BCL11B: variants seen among roughly 807,000 people sequenced by gnomAD.
The protein encoded by BCL11B is BCL11 transcription factor B.
A neutral mutation model predicts 49.9 loss-of-function variants in BCL11B; 8 were observed. That is an observed-to-expected ratio of 0.16 (90% confidence interval 0.09 to 0.29). The LOEUF is 0.29. Ranked by LOEUF, BCL11B falls within the 10% of genes least tolerant of loss-of-function variation. The pLI, the probability that BCL11B is intolerant of heterozygous loss-of-function variation, is 1.00. For missense variants in BCL11B, 1,006 were observed against 1,351.0 expected, an observed-to-expected ratio of 0.74 and a Z score of 4.00; for synonymous variants, 739 against 637.4, an observed-to-expected ratio of 1.16 and a Z score of -2.40.
intron 3 of BCL11B, among the ~76,000 whole-genome samples, chr14:99,211,848 T>C (rs1323925237): frequency 6.6e-6 from 1 of 152,172 alleles, no homozygotes; most frequent in African/African-American, 2.4e-5. Flanking sequence ...GTAAGCAAAG[T>C]CTGCTTTTCC....
intron 3 of BCL11B, among the ~76,000 whole-genome samples, chr14:99,229,711 G>T (rs1282221914): frequency 6.6e-6 from 1 of 152,204 alleles, no homozygotes; most frequent in African/African-American, 2.4e-5. Flanking sequence ...GGTGAGATCA[G>T]ATTTCTGTGC....
chr14:99,229,968 C>T (rs1304019393), intron 3 of BCL11B, among the ~76,000 whole-genome samples: 2 of 152,212 alleles, frequency 1.3e-5, no homozygotes, highest in Non-Finnish European at 2.9e-5. Context: ...AGGGAGCCGG[C>T]GTCTTTGCAA....
Position 99,248,242 on chromosome 14 carries a change from A to G in BCL11B, c.427+9229T>C, listed in dbSNP as rs901754533. On this transcript the variant is annotated intron_variant, in intron 2 of 3. Coordinates refer to ENST00000357195, the MANE Select transcript of BCL11B (RefSeq NM_138576.4). This position sits in a 1 kb window ranked among gnomAD's most constrained non-coding sequence, Gnocchi z 4.7. ...CCCCAGGGCCCTCCAGACCAAAACC[A>G]GCGGACCAGCAAGAAGGCGTCAAGA... Among the ~76,000 whole-genome samples, 4 of 152,018 alleles carry G rather than the reference A, an allele frequency of 2.6e-5. No homozygotes were observed. The highest frequency in any genetic ancestry group is 9.7e-5 in the African/African-American group (4 of 41,392).
intron 3 of BCL11B, among the ~76,000 whole-genome samples, chr14:99,212,267 C>G (rs1887709096): frequency 6.6e-6 from 1 of 152,166 alleles, no homozygotes; most frequent in Non-Finnish European, 1.5e-5. Context: ...AGAGAGGTGG[C>G]CTTCCAGGTT....
chr14:99,173,915 C>A lies in BCL11B; in HGVS notation c.*236G>T. On this transcript the variant is annotated 3_prime_UTR_variant, in exon 4 of 4. Coordinates refer to ENST00000357195, the MANE Select transcript of BCL11B (RefSeq NM_138576.4). ...CACATGCCAAAAAAATTACAAAACC[C>A]AATAAATACAGAAATTATTGCACAG... 5.6e-6 allele frequency: 3 copies of A among 538,104 alleles called. No individual in the cohort carries two copies. The highest frequency in any genetic ancestry group is 6.5e-6 in the Non-Finnish European group (2 of 306,052). 33.3% of individuals were successfully genotyped at this position (538,104 alleles called of 1,614,324 possible).
rs139779656 is a variant in BCL11B, at chr14:99,174,718, G to A, written c.2118C>T (p.Asn706=). The A allele has an allele frequency of 6.0e-5, 93 of 1,558,602 alleles. No homozygotes were observed. The highest frequency in any genetic ancestry group is 4.1e-4 in the East Asian group (16 of 39,438). The change falls in exon 4 of 4, where the codon AAC becomes AAT. Residue 706 remains asparagine (N), a synonymous_variant. Coordinates refer to ENST00000357195, the MANE Select transcript of BCL11B (RefSeq NM_138576.4). Reference sequence around the variant, plus strand: ...AGCCCACCAGCCACTGCGAGTACACGTTCTCGGACGGGATGAGCGCGGCGG... The same window carrying A: ...AGCCCACCAGCCACTGCGAGTACACATTCTCGGACGGGATGAGCGCGGCGG... The part of the protein sequence containing the change: ...LPPAALIPSE[N]VYSQWLVGYA...
Position 99,271,298 on chromosome 14 carries a change from G to GCCGCTGC in BCL11B, c.-81_-80insGCAGCGG. ...GGGGGAGGGGGTCCGAGCCGCCGCC[G>GCCGCTGC]CGCCGCTGCCGCCGCTGCCGCCGCC... On this transcript the variant is annotated 5_prime_UTR_variant, in exon 1 of 4. Coordinates refer to ENST00000357195, the MANE Select transcript of BCL11B (RefSeq NM_138576.4). The GCCGCTGC allele has an allele frequency of 2.3e-6, 2 of 885,080 alleles. No individual in the cohort carries two copies. Among genetic ancestry groups the GCCGCTGC allele is most frequent in the Non-Finnish European group, 3.0e-6 (2 of 675,882 alleles). 54.8% of individuals were successfully genotyped at this position (885,080 alleles called of 1,614,324 possible). A position where few individuals can be genotyped will look rare whatever the true frequency, so the allele number is the denominator to read the frequency against.
At chr14:99,215,013 A>G (rs1170490845) in intron 3 of BCL11B, among the ~76,000 whole-genome samples, 2 of 152,170 alleles carry the variant, frequency 1.3e-5, no homozygotes, top group Non-Finnish European at 2.9e-5. Context: ...GGACAGCTAC[A>G]GCGGAATGTC....
At chr14:99,225,822 C>T (rs1216942119) in intron 3 of BCL11B, among the ~76,000 whole-genome samples, 3 of 152,072 alleles carry the variant, frequency 2.0e-5, no homozygotes, top group Admixed American at 6.5e-5. Context: ...GAGGCTGCAG[C>T]GATCTCCACT....
intron 3 of BCL11B, among the ~76,000 whole-genome samples, chr14:99,199,859 C>T (rs1887323038): frequency 6.6e-6 from 1 of 151,658 alleles, no homozygotes; most frequent in Admixed American, 6.6e-5. Context: ...AAAGAACTTC[C>T]TCATTATTTA....
intron 3 of BCL11B, among the ~76,000 whole-genome samples, chr14:99,179,255 C>T (rs558124635): frequency 6.6e-6 from 1 of 152,252 alleles, no homozygotes; most frequent in African/African-American, 2.4e-5. Context: ...GGGCGGATCA[C>T]TTGAGGTCAG....
At position 99,231,687 on chromosome 14, in the gene BCL11B, G is replaced by T; in HGVS notation, c.428-130C>A. Reference sequence around the variant, plus strand: ...TTCGGGGGTGGGAGGCCCCCGGGGTGCCAGGCCCTGCAGGGAAGGCAATCG... The same window carrying T: ...TTCGGGGGTGGGAGGCCCCCGGGGTTCCAGGCCCTGCAGGGAAGGCAATCG... On this transcript the variant is annotated intron_variant, in intron 2 of 3. Transcript: ENST00000357195. This position sits in a 1 kb window ranked among gnomAD's most constrained non-coding sequence, Gnocchi z 8.1. The T allele has an allele frequency of 1.1e-6, 1 of 942,828 alleles. No individual in the cohort carries two copies. The highest frequency in any genetic ancestry group is 1.6e-6 in the Non-Finnish European group (1 of 631,288). The allele number at this position is 942,828 out of a possible 1,614,324, so 58.4% of individuals were successfully genotyped here. A position where few individuals can be genotyped will look rare whatever the true frequency, so the allele number is the denominator to read the frequency against.
At chr14:99,268,779 C>A (rs971813062) in intron 1 of BCL11B, among the ~76,000 whole-genome samples, 2 of 152,198 alleles carry the variant, frequency 1.3e-5, no homozygotes, top group Non-Finnish European at 2.9e-5. Flanking sequence ...CAAAGGCAGG[C>A]CGGCTTTCCT....
chr14:99,175,519 C>T lies in BCL11B; in HGVS notation c.1317G>A (p.Gln439=), dbSNP rs370482539. ...TGCGCCGGTGCACGATGAGATTGCTCTGGAACTTGAAGGTCTTGCCGCAGA... is the reference window on the plus strand; with the variant it reads ...TGCGCCGGTGCACGATGAGATTGCTTTGGAACTTGAAGGTCTTGCCGCAGA... The part of the protein sequence containing the change: ...CEFCGKTFKF[Q]SNLIVHRRSH... The change falls in exon 4 of 4, where the codon CAG becomes CAA. Residue 439 remains glutamine (Q), a synonymous_variant. Coordinates refer to ENST00000357195, the MANE Select transcript of BCL11B (RefSeq NM_138576.4). 1.2e-6 allele frequency: 2 copies of T among 1,607,956 alleles called. No individual in the cohort carries two copies. Among genetic ancestry groups the T allele is most frequent in the African/African-American group, 2.7e-5 (2 of 74,238 alleles).
chr14:99,174,055 T>C lies in BCL11B; in HGVS notation c.*96A>G, dbSNP rs1220349871. ...CCCTGGGCCCCGGGGACACGCGGGG[T>C]GCGGGGTGGCGGTGACACGGAGGCA... On this transcript the variant is annotated 3_prime_UTR_variant, in exon 4 of 4. Coordinates refer to ENST00000357195, the MANE Select transcript of BCL11B (RefSeq NM_138576.4). 3.9e-6 allele frequency: 5 copies of C among 1,282,446 alleles called. No individual in the cohort carries two copies. The East Asian group carries it at 1.0e-4, about 26-fold the overall frequency. 79.4% of individuals were successfully genotyped at this position (1,282,446 alleles called of 1,614,324 possible). A position where few individuals can be genotyped will look rare whatever the true frequency, so the allele number is the denominator to read the frequency against.
intron 3 of BCL11B, among the ~76,000 whole-genome samples, chr14:99,183,210 C>T (rs1033248585): frequency 6.6e-6 from 1 of 151,354 alleles, no homozygotes; most frequent in Non-Finnish European, 1.5e-5. Context: ...GACCCACCCA[C>T]ATCACCTCGT....
rs1886221100 is a variant in BCL11B at position 99,169,551 on chromosome 14, C to T, written c.*4600G>A. The T allele has an allele frequency of 4.8e-6, 1 of 206,256 alleles. No homozygotes were observed. The highest frequency in any genetic ancestry group is 2.3e-5 in the African/African-American group (1 of 43,876). 12.8% of individuals were successfully genotyped at this position (206,256 alleles called of 1,614,324 possible). On this transcript the variant is annotated 3_prime_UTR_variant, in exon 4 of 4. Transcript: ENST00000357195. ...CTGTTTCTTAAACAGAGCACAAATA[C>T]CAAGCAATAATAAATAGTTCCAAAC... is the stretch of plus-strand genomic sequence containing the variant.
Position 99,169,328 on chromosome 14 carries a change from G to A in BCL11B, c.*4823C>T, listed in dbSNP as rs2139739642. The stretch of plus-strand genomic sequence containing the variant: ...AATGTCCAATTTATTTTTATAACTT[G>A]AAACCAGAACAAACTTGGTTTTGAA... On this transcript the variant is annotated 3_prime_UTR_variant, in exon 4 of 4. Coordinates refer to ENST00000357195, the MANE Select transcript of BCL11B (RefSeq NM_138576.4). 5.3e-6 allele frequency: 1 copy of A among 189,466 alleles called. No individual in the cohort carries two copies. Among genetic ancestry groups the A allele is most frequent in the Non-Finnish European group, 1.1e-5 (1 of 89,894 alleles). 11.7% of individuals were successfully genotyped at this position (189,466 alleles called of 1,614,324 possible).
chr14:99,203,419 A>G (rs181174009), intron 3 of BCL11B, among the ~76,000 whole-genome samples: 1 of 152,200 alleles, frequency 6.6e-6, no homozygotes, highest in Non-Finnish European at 1.5e-5. Flanking sequence ...GAACACTGAC[A>G]CTGAATCCAG....
Sources: gnomAD v4.1 joint callset for allele counts (sites outside exome capture counted in the v4.1 genomes callset) on GRCh38, gnomAD v4.1.1 for gene constraint, Gnocchi (gnomAD v3.1) non-coding constraint, MANE v1.5 for transcripts, NCBI Gene and HGNC (gene_info 2026-07-23, HGNC 2026-07-21) for gene names.